GABRG3: variants seen among roughly 807,000 people sequenced by gnomAD.
GABRG3 encodes gamma-aminobutyric acid type A receptor subunit gamma3.
GABRG3 carries 25 observed loss-of-function variants against 48.8 expected under a neutral mutation model. That is an observed-to-expected ratio of 0.51 (90% CI 0.37 to 0.72). The LOEUF is 0.72. Ranked by LOEUF, GABRG3 falls within the 30% of genes least tolerant of loss-of-function variation. The probability of loss-of-function intolerance (pLI) is 0.00; values close to 1 mark genes in which losing one functional copy is unlikely to be tolerated. For missense variants in GABRG3, 394 were observed against 577.9 expected (o/e 0.68, Z 3.26); for synonymous variants, 227 against 217.6 (o/e 1.04, Z -0.38).
intron 5 of GABRG3, among the ~76,000 whole-genome samples, chr15:27,431,941 G>T (rs1003226015): frequency 6.6e-6 from 1 of 151,776 alleles, no homozygotes; most frequent in African/African-American, 2.4e-5. Flanking sequence ...CCACATTTTT[G>T]TGTATTTCCC....
intron 3 of GABRG3, among the ~76,000 whole-genome samples, chr15:27,162,831 G>T (rs1887240849): frequency 6.6e-6 from 1 of 152,142 alleles, no homozygotes; most frequent in Non-Finnish European, 1.5e-5. Flanking sequence ...ACACATAAGG[G>T]TAAGGCAACA....
chr15:27,003,850 G>GA (rs1895512833), intron 2 of GABRG3, among the ~76,000 whole-genome samples: 1 of 148,064 alleles, frequency 6.8e-6, no homozygotes, highest in South Asian at 2.1e-4. Flanking sequence ...CCGGGCGGGG[G>GA]GGGCTGACCC....
chr15:27,283,796 G>C (rs1891516995), intron 3 of GABRG3, among the ~76,000 whole-genome samples: 1 of 152,162 alleles, frequency 6.6e-6, no homozygotes, highest in Non-Finnish European at 1.5e-5. Flanking sequence ...TTGAGTCCTT[G>C]GATCTCTAGC....
intron 5 of GABRG3, among the ~76,000 whole-genome samples, chr15:27,347,288 A>G (rs1894406781): frequency 6.6e-6 from 1 of 152,162 alleles, no homozygotes; most frequent in Admixed American, 6.6e-5. Context: ...TTTAGGGTGG[A>G]GCCAACGGAG....
intron 3 of GABRG3, among the ~76,000 whole-genome samples, chr15:27,261,319 TAAATC>T (rs1042160975): frequency 1.9e-4 from 29 of 152,160 alleles, no homozygotes; most frequent in African/African-American, 4.3e-4. Flanking sequence ...CTAAAATTGA[TAAATC>T]AAGATGTATT....
At chr15:27,490,874 CT>C (rs1471602359) in intron 6 of GABRG3, among the ~76,000 whole-genome samples, 1 of 152,186 alleles carries the variant, frequency 6.6e-6, no homozygotes, top group Non-Finnish European at 1.5e-5. Context: ...ACGTGTGGCC[CT>C]TGTCCTGCCA....
intron 3 of GABRG3, among the ~76,000 whole-genome samples, chr15:27,233,746 A>G (rs1471334582): frequency 6.6e-6 from 1 of 152,220 alleles, no homozygotes; most frequent in Non-Finnish European, 1.5e-5. Context: ...ACATTTTTCT[A>G]CAAAAGATAC....
At chr15:27,507,762 T>C (rs965832211) in intron 6 of GABRG3, among the ~76,000 whole-genome samples, 3 of 152,162 alleles carry the variant, frequency 2.0e-5, no homozygotes, top group African/African-American at 4.8e-5. Flanking sequence ...GATTATTAAA[T>C]TTTCCAACTA....
At chr15:27,124,099 T>C (rs1409361533) in intron 3 of GABRG3, among the ~76,000 whole-genome samples, 2 of 152,174 alleles carry the variant, frequency 1.3e-5, no homozygotes, top group Admixed American at 1.3e-4. Flanking sequence ...GCAGTTTAAC[T>C]CATGTTAAGA....
chr15:26,999,323 T>G (rs900448615), intron 2 of GABRG3, among the ~76,000 whole-genome samples: 1 of 152,156 alleles, frequency 6.6e-6, no homozygotes, highest in African/African-American at 2.4e-5. Context: ...TATATGAGAC[T>G]TAAGAACTCA....
intron 3 of GABRG3, among the ~76,000 whole-genome samples, chr15:27,058,626 C>CT (rs200563157): frequency 4.7e-4 from 67 of 143,060 alleles, no homozygotes; most frequent in South Asian, 6.7e-4. Context: ...TGTGAAAGTA[C>CT]TTTTTTTTTT....
intron 3 of GABRG3, among the ~76,000 whole-genome samples, chr15:27,110,557 G>A (rs912908616): frequency 1.3e-5 from 2 of 150,092 alleles, no homozygotes; most frequent in African/African-American, 2.5e-5. Flanking sequence ...TTGTAGAGCA[G>A]GTATGCTGAC....
chr15:26,997,303 T>G (rs1895360347), intron 2 of GABRG3, among the ~76,000 whole-genome samples: 1 of 152,172 alleles, frequency 6.6e-6, no homozygotes. Flanking sequence ...TCTTTTGACA[T>G]CTTTATTAAG....
chr15:27,264,364 A>G (rs1890855440), intron 3 of GABRG3, among the ~76,000 whole-genome samples: 1 of 152,194 alleles, frequency 6.6e-6, no homozygotes, highest in Non-Finnish European at 1.5e-5. Context: ...ATTAAAAATC[A>G]AAACTGCCCC....
intron 3 of GABRG3, among the ~76,000 whole-genome samples, chr15:27,129,546 T>C (rs560354486): frequency 1.3e-5 from 2 of 152,186 alleles, no homozygotes; most frequent in African/African-American, 2.4e-5. Flanking sequence ...TCAATTCTTT[T>C]GGGTGTACAC....
At chr15:27,289,760 A>T (rs1891736849) in intron 3 of GABRG3, among the ~76,000 whole-genome samples, 1 of 152,214 alleles carries the variant, frequency 6.6e-6, no homozygotes, top group Non-Finnish European at 1.5e-5. Flanking sequence ...GGAATTATGT[A>T]TGTGTTAATG....
chr15:27,528,496 TA>T (rs776230978), intron 9 of GABRG3, among the ~76,000 whole-genome samples: 8 of 152,316 alleles, frequency 5.3e-5, no homozygotes, highest in Non-Finnish European at 8.8e-5. Context: ...TACCAATTTG[TA>T]TATACCTGTG....
intron 5 of GABRG3, among the ~76,000 whole-genome samples, chr15:27,456,313 G>T (rs1345699627): frequency 6.6e-6 from 1 of 152,210 alleles, no homozygotes; most frequent in Admixed American, 6.5e-5. Context: ...AGTTGGTCAT[G>T]ACACCCACAG....
At chr15:27,296,413 T>C (rs74336041) in intron 3 of GABRG3, among the ~76,000 whole-genome samples, 1,930 of 152,228 alleles carry the variant, frequency 0.013, 42 homozygotes, top group East Asian at 0.09. Context: ...TTATTGACAC[T>C]GGGTGCTAAC....
Sources: gnomAD v4.1 joint callset for allele counts (sites outside exome capture counted in the v4.1 genomes callset) on GRCh38, gnomAD v4.1.1 for gene constraint, MANE v1.5 for transcripts, NCBI Gene and HGNC (gene_info 2026-07-23, HGNC 2026-07-21) for gene names.